The following STARD3 variants were observed in gnomAD, a reference collection of about 807,000 sequenced individuals.
STARD3 encodes the protein stAR-related lipid transfer protein 3.
A neutral mutation model predicts 62.0 loss-of-function variants in STARD3; 39 were observed. That is an observed-to-expected ratio of 0.63 (90% CI 0.49 to 0.82). The LOEUF is 0.82. STARD3 is among the 40% of genes least tolerant of loss of function. The pLI is 0.00. For missense variants in STARD3, 543 were observed against 584.5 expected (o/e 0.93, Z 0.73); for synonymous variants, 229 against 242.4 (o/e 0.94, Z 0.51).
At position 39,657,819 on chromosome 17, in the gene STARD3, C is replaced by T. The variant is rs748145737; in HGVS notation, c.342C>T (p.Ala114=). Residue 114 remains alanine, a synonymous_variant, in exon 4 of 15, where the codon GCC becomes GCT. Transcript: ENST00000336308. ...FRFSGLLLGY[A]VLRLRHWWVI... ...TCTCTGGACTGCTCCTAGGCTATGC[C>T]GTGCTGCGGCTCCGGCACTGGTGGG... is the stretch of plus-strand genomic sequence containing the variant. 2.2e-5 allele frequency: 36 copies of T among 1,614,086 alleles called. No homozygotes were observed. Among genetic ancestry groups the T allele is most frequent in the South Asian group, 7.7e-5 (7 of 91,088 alleles).
rs2145046560 is a variant in STARD3, at chr17:39,661,240, C to T, written c.1139+155C>T. ...GGCTCTGCTCCTCCTGGCTACTAATCCTGCTAATCTTGCTGCTCTGTCTGT... is the reference window on the plus strand; with the variant it reads ...GGCTCTGCTCCTCCTGGCTACTAATTCTGCTAATCTTGCTGCTCTGTCTGT... On this transcript the variant is annotated intron_variant, in intron 13 of 14. Coordinates refer to ENST00000336308, the MANE Select transcript of STARD3 (RefSeq NM_006804.4). The T allele has an allele frequency of 4.6e-6, 3 of 658,968 alleles. 1 individual carries two copies. In the South Asian group the frequency reaches 5.6e-5, roughly 12 times the overall value. 40.8% of individuals were successfully genotyped at this position (658,968 alleles called of 1,614,324 possible).
intron 13 of STARD3, chr17:39,661,377 T>C: frequency 2.2e-6 from 1 of 454,050 alleles, no homozygotes. Flanking sequence ...GGAAGGGGCC[T>C]GAGAGCCATG....
chr17:39,639,942 C>T (rs2056968461), intron 1 of STARD3, among the ~76,000 whole-genome samples: 1 of 152,234 alleles, frequency 6.6e-6, no homozygotes, highest in Non-Finnish European at 1.5e-5. Flanking sequence ...ATGATCCCTT[C>T]TCTGGGAGCC....
Position 39,657,055 on chromosome 17 carries a change from C to T in STARD3, c.267C>T (p.Tyr89=). The T allele has an allele frequency of 6.2e-7, 1 of 1,614,184 alleles. No homozygotes were observed. The highest frequency in any genetic ancestry group is 1.1e-5 in the South Asian group (1 of 91,086). Residue 89 remains tyrosine (Y), a synonymous_variant, in exon 3 of 15, where the codon TAC becomes TAT. Transcript: ENST00000336308. The part of the protein sequence containing the change: ...RKNLEQEIIQ[Y]NFKTSFFDIF... ...ACTTGGAGCAGGAGATCATCCAGTA[C>T]AACTTTAAAACTTCCTTCTTCGACA...
rs140618662 is a variant in STARD3 at position 39,657,833 on chromosome 17, G to A, written c.356G>A (p.Arg119Gln). The A allele has an allele frequency of 1.6e-4, 253 of 1,614,188 alleles. 2 individuals are homozygous for A. In the East Asian group the frequency reaches 4.3e-3, roughly 28 times the overall value. ...LLLGYAVLRL[R>Q]HWWVIAVTTL... ...CTAGGCTATGCCGTGCTGCGGCTCC[G>A]GCACTGGTGGGTGATTGCGGTAAGA... is the stretch of plus-strand genomic sequence containing the variant. Residue 119 changes from arginine (R) to glutamine (Q), a missense_variant, in exon 4 of 15, where the codon CGG becomes CAG. Arg to Gln is a conservative substitution (Grantham distance 43). Transcript: ENST00000336308.
rs2057181566 is a variant in STARD3 at position 39,660,309 on chromosome 17, C to T, written c.858+36C>T. Reference sequence around the variant, plus strand: ...GGAGCGGGTGTCCTGGAGCCCCAGACAGCACAGGAGGCTCCAGGAAGGTGC... The same window carrying T: ...GGAGCGGGTGTCCTGGAGCCCCAGATAGCACAGGAGGCTCCAGGAAGGTGC... On this transcript the variant is annotated intron_variant, in intron 10 of 14. Transcript: ENST00000336308. This position sits in a 1 kb window ranked among gnomAD's most constrained non-coding sequence, Gnocchi z 4.8. 2 of 1,613,430 alleles carry T rather than the reference C, an allele frequency of 1.2e-6. No homozygotes were observed. Among genetic ancestry groups the T allele is most frequent in the Non-Finnish European group, 1.7e-6 (2 of 1,179,578 alleles).
intron 7 of STARD3, 33 bp downstream of exon 7, chr17:39,658,853 G>C: frequency 1.2e-6 from 2 of 1,609,248 alleles, no homozygotes; most frequent in Non-Finnish European, 1.7e-6. Flanking sequence ...ACTGCTTTCA[G>C]GGAGGGGCCT....
chr17:39,642,896 A>C (rs1416920349), intron 1 of STARD3, among the ~76,000 whole-genome samples: 5 of 152,052 alleles, frequency 3.3e-5, no homozygotes, highest in Non-Finnish European at 7.4e-5. Flanking sequence ...GTGTCCGTGG[A>C]CAGCGAGGGA....
chr17:39,663,346 T>G lies in STARD3; in HGVS notation c.*438T>G. 5 of 308,902 alleles carry G rather than the reference T, an allele frequency of 1.6e-5. No homozygotes were observed. Among genetic ancestry groups the G allele is most frequent in the East Asian group, 1.0e-4 (2 of 19,854 alleles). The allele number at this position is 308,902 out of a possible 1,614,324, so 19.1% of individuals were successfully genotyped here. A position where few individuals can be genotyped will look rare whatever the true frequency, so the allele number is the denominator to read the frequency against. ...TATTGAAAGAGTCTGGGACCCTTGT[T>G]GGGGAGTGGGTGGCAGGTGGGGGTG... On this transcript the variant is annotated 3_prime_UTR_variant, in exon 15 of 15. Coordinates refer to ENST00000336308, the MANE Select transcript of STARD3 (RefSeq NM_006804.4).
Position 39,653,560 on chromosome 17 carries a change from G to A in STARD3, c.29G>A (p.Arg10Gln), listed in dbSNP as rs777019083. The A allele has an allele frequency of 3.7e-6, 6 of 1,606,602 alleles. No homozygotes were observed. In the Admixed American group the frequency reaches 5.0e-5, roughly 13 times the overall value. Residue 10 changes from arginine (R) to glutamine (Q), a missense_variant, in exon 2 of 15, where the codon CGA (arginine) becomes CAA (glutamine). Transcript: ENST00000336308. ...AGCAAGCTGCCCAGGGAGCTGACCC[G>A]AGACTTGGAGCGCAGCCTGCCTGCC... MSKLPRELT[R>Q]DLERSLPAVA...
intron 3 of STARD3, 82 bp from the exon 4 acceptor site, chr17:39,657,693 G>A (rs1400544280): frequency 1.3e-6 from 2 of 1,487,604 alleles, no homozygotes; most frequent in African/African-American, 1.4e-5. Flanking sequence ...GAACGTGGGG[G>A]CAGGACCAGA....
chr17:39,663,279 G>C lies in STARD3; in HGVS notation c.*371G>C, dbSNP rs1489532929. ...GCCTGTCACCCGTGTGAAGATGAAG[G>C]GGCTCTTCATCTGCCTGCGCTCTCG... On this transcript the variant is annotated 3_prime_UTR_variant, in exon 15 of 15. Coordinates refer to ENST00000336308, the MANE Select transcript of STARD3 (RefSeq NM_006804.4). The C allele has an allele frequency of 2.0e-5, 8 of 396,428 alleles. No individual in the cohort carries two copies. The highest frequency in any genetic ancestry group is 1.4e-4 in the African/African-American group (7 of 48,674). The allele number at this position is 396,428 out of a possible 1,614,324, so 24.6% of individuals were successfully genotyped here.
In STARD3 at chr17:39,663,815, G is replaced by T. The variant is rs903826032; in HGVS notation, c.*907G>T. ...GCCCACAGCAAGCCTTGACTGTGTGGCCTGGAGATGGGGCCTGAGCTTCAG... is the reference window on the plus strand; with the variant it reads ...GCCCACAGCAAGCCTTGACTGTGTGTCCTGGAGATGGGGCCTGAGCTTCAG... On this transcript the variant is annotated 3_prime_UTR_variant, in exon 15 of 15. Transcript: ENST00000336308. 1.3e-5 allele frequency among the ~76,000 whole-genome samples: 2 copies of T among 152,180 alleles called. No homozygotes were observed. Among genetic ancestry groups the T allele is most frequent in the Non-Finnish European group, 2.9e-5 (2 of 68,016 alleles).
intron 7 of STARD3, 52 bp downstream of exon 7, chr17:39,658,872 A>G (rs745863646): frequency 1.3e-6 from 2 of 1,598,972 alleles, no homozygotes; most frequent in Non-Finnish European, 1.7e-6. Flanking sequence ...CTTGTGAGGA[A>G]TGGGGTAGGC....
intron 1 of STARD3, chr17:39,652,735 A>G (rs1475433779): frequency 6.6e-6 from 1 of 152,500 alleles, no homozygotes; most frequent in East Asian, 1.9e-4. Context: ...GGGCCTGGTG[A>G]GGAGACTGTT....
At chr17:39,659,255 C>T (rs1186365942) in intron 8 of STARD3, 149 bp downstream of exon 8, 20 of 1,139,276 alleles carry the variant, frequency 1.8e-5, no homozygotes, top group Middle Eastern at 2.9e-4. Flanking sequence ...ACCACCAGTC[C>T]GGCCCCCCTG....
At chr17:39,661,242 T>A (rs2145046617) in intron 13 of STARD3, 157 bp downstream of exon 13, 1 of 647,366 alleles carries the variant, frequency 1.5e-6, no homozygotes, top group Non-Finnish European at 2.7e-6. Flanking sequence ...CTACTAATCC[T>A]GCTAATCTTG....
At position 39,662,788 on chromosome 17, in the gene STARD3, G is replaced by A; in HGVS notation, c.1234-16G>A. The A allele has an allele frequency of 6.2e-7, 1 of 1,600,126 alleles. No individual in the cohort carries two copies. Among genetic ancestry groups the A allele is most frequent in the Non-Finnish European group, 8.5e-7 (1 of 1,173,158 alleles). On this transcript the variant is annotated splice_polypyrimidine_tract_variant and intron_variant, in intron 14 of 14. Transcript: ENST00000336308. ...GGGCAGGCCATCAAGTGTGACTTCT[G>A]CCTGCCTTCCCCCAGGGCCGCCTGC...
In STARD3 at chr17:39,662,304, G is replaced by A. The variant is rs188330170; in HGVS notation, c.1193G>A (p.Arg398His). 693 of 1,614,026 alleles carry A rather than the reference G, an allele frequency of 4.3e-4. 5 individuals are homozygous for A. The Admixed American group carries it at 8.1e-3, about 19-fold the overall frequency. Residue 398 changes from arginine to histidine, a missense_variant, in exon 14 of 15, where the codon CGT becomes CAT. Physicochemically the swap from Arg to His is conservative, Grantham distance 29. Transcript: ENST00000336308. ...GTGCTCAAGTCGGCCAGTAACCCCC[G>A]TGTTTGCACCTTTGTCTGGATTCTT... The part of the protein sequence containing the change: ...FIVLKSASNP[R>H]VCTFVWILNT...
Sources: gnomAD v4.1 joint callset for allele counts (sites outside exome capture counted in the v4.1 genomes callset) on GRCh38, gnomAD v4.1.1 for gene constraint, Gnocchi (gnomAD v3.1) non-coding constraint, MANE v1.5 for transcripts, NCBI Gene and HGNC (gene_info 2026-07-23, HGNC 2026-07-21) for gene names.